Variants in BRD2 observed in about 807,000 individuals in gnomAD.
The protein encoded by BRD2 is bromodomain containing 2, also known as bromodomain-containing protein 2.
A neutral mutation model predicts 79.1 loss-of-function variants in BRD2; 15 were observed. The ratio of observed to expected loss-of-function variants is 0.19; its 90% CI spans 0.13 to 0.29. BRD2 has a LOEUF of 0.29. BRD2 is among the 10% of genes least tolerant of loss of function. BRD2 has a pLI of 1.00. For synonymous variants in BRD2, 488 were observed against 358.6 expected (o/e 1.36, Z -4.08); for missense variants, 1,053 against 991.3 (o/e 1.06, Z -0.84).
chr6:32,975,090 C>T lies in BRD2; in HGVS notation c.334-294C>T, dbSNP rs762626412. 9.3e-6 allele frequency: 14 copies of T among 1,512,228 alleles called. No individual in the cohort carries two copies. In the South Asian group the frequency reaches 1.7e-4, roughly 18 times the overall value. 93.7% of individuals were successfully genotyped at this position (1,512,228 alleles called of 1,614,324 possible). The stretch of plus-strand genomic sequence containing the variant: ...TAGCTTCTTCCTTTCCCTCATGCAG[C>T]CCATGGATAGCCAGCCCCAGAGGTA... On this transcript the variant is annotated intron_variant, in intron 3 of 12. Coordinates refer to ENST00000374825, the MANE Select transcript of BRD2 (RefSeq NM_005104.4).
chr6:32,975,619 C>T (rs1461811374), intron 4 of BRD2, 98 bp downstream of exon 4: 2 of 1,468,468 alleles, frequency 1.4e-6, no homozygotes, highest in East Asian at 2.3e-5. Context: ...TCCTTTGCTA[C>T]TGAAGGTGTT....
At chr6:32,969,326 C>T (rs1230846021) in intron 1 of BRD2, 2 of 716,704 alleles carry the variant, frequency 2.8e-6, no homozygotes, top group East Asian at 2.7e-5. Context: ...CCATTCGTCC[C>T]CTGGGGGTAC....
intron 7 of BRD2, chr6:32,977,155 CTATAAT>C (rs1778871842): frequency 1.5e-6 from 2 of 1,326,272 alleles, no homozygotes; most frequent in South Asian, 1.3e-5. Context: ...AAAATACTGT[CTATAAT>C]TAAGTACTAA....
chr6:32,980,298 G>C lies in BRD2; in HGVS notation c.2147-44G>C, dbSNP rs1052258631. The C allele has an allele frequency of 3.1e-6, 5 of 1,608,240 alleles. No individual in the cohort carries two copies. The African/African-American group carries it at 4.0e-5, about 13-fold the overall frequency. On this transcript the variant is annotated intron_variant, in intron 11 of 12. Transcript: ENST00000374825. ...GAACCTTAGGGGCCCATAATAAGATGCTTGGGGCAATCTTAATGTATCCTG... is the reference window on the plus strand; with the variant it reads ...GAACCTTAGGGGCCCATAATAAGATCCTTGGGGCAATCTTAATGTATCCTG...
chr6:32,976,540 C>A (rs753078710), intron 6 of BRD2, 22 bp from the exon 7 acceptor site: 1 of 1,591,706 alleles, frequency 6.3e-7, no homozygotes, highest in South Asian at 1.1e-5. Context: ...TGACAGGTTC[C>A]CTATCTTGTT....
Position 32,977,860 on chromosome 6 carries a change from C to G in BRD2, c.1433C>G (p.Ser478Ter). The change falls in exon 9 of 13, where the codon TCA (serine) becomes TGA (stop). Residue 478 changes from serine to a stop codon, truncating the protein, a stop_gained. Transcript: ENST00000374825. LOFTEE classifies it high-confidence loss of function. ...AMPPGLAKSSSESSSEESSSE... is the reference protein window; with the variant it reads ...AMPPGLAKSS ...CCCCCTGGCTTGGCCAAATCGTCTT[C>G]AGAGTCCTCCAGTGAGGAAAGTAGC... 1 of 1,613,130 alleles carries G rather than the reference C, an allele frequency of 6.2e-7. No individual in the cohort carries two copies. Among genetic ancestry groups the G allele is most frequent in the Non-Finnish European group, 8.5e-7 (1 of 1,180,042 alleles).
rs551923971 is a variant in BRD2, at chr6:32,976,296, T to C, written c.657T>C (p.Ser219=). 1.9e-6 allele frequency: 3 copies of C among 1,613,066 alleles called. No homozygotes were observed. Among genetic ancestry groups the C allele is most frequent in the Non-Finnish European group, 2.5e-6 (3 of 1,180,030 alleles). ...GTGCCCATCAGGTGCCTGCCGTCTC[T>C]TCTGTGTCACACACAGCCCTGTATA... is the stretch of plus-strand genomic sequence containing the variant. ...VTSAHQVPAV[S]SVSHTALYTP... is the part of the protein sequence containing the mutation. The change falls in exon 6 of 13, where the codon TCT becomes TCC. Residue 219 remains serine (S), a synonymous_variant. Coordinates refer to ENST00000374825, the MANE Select transcript of BRD2 (RefSeq NM_005104.4).
chr6:32,975,644 G>T, intron 4 of BRD2, 123 bp downstream of exon 4: 1 of 1,276,420 alleles, frequency 7.8e-7, no homozygotes, highest in Non-Finnish European at 1.1e-6. Context: ...AGGTAGGGTA[G>T]TCGGAGTCTT....
chr6:32,977,764 T>G lies in BRD2; in HGVS notation c.1337T>G (p.Phe446Cys). The change falls in exon 9 of 13, where the codon TTT (phenylalanine) becomes TGT (cysteine). Residue 446 changes from phenylalanine (F) to cysteine (C), a missense_variant. Physicochemically the swap from Phe to Cys is radical, Grantham distance 205. Coordinates refer to ENST00000374825, the MANE Select transcript of BRD2 (RefSeq NM_005104.4). ...GTTTGTGCCTCTTTGTAGGATGTATTTGAGTTCCGTTATGCCAAGATGCCA... is the reference window on the plus strand; with the variant it reads ...GTTTGTGCCTCTTTGTAGGATGTATGTGAGTTCCGTTATGCCAAGATGCCA... ...VAMARKLQDVFEFRYAKMPDE... is the reference protein window; with the variant it reads ...VAMARKLQDVCEFRYAKMPDE... The G allele has an allele frequency of 6.2e-7, 1 of 1,613,080 alleles. No homozygotes were observed. Among genetic ancestry groups the G allele is most frequent in the Non-Finnish European group, 8.5e-7 (1 of 1,180,024 alleles).
chr6:32,975,277 A>T, intron 3 of BRD2, 107 bp from the exon 4 acceptor site: 2 of 1,066,132 alleles, frequency 1.9e-6, no homozygotes, highest in Non-Finnish European at 1.3e-6. Flanking sequence ...CCTTTGATGC[A>T]TAGGGGGGGT....
Position 32,972,734 on chromosome 6 carries a change from A to T in BRD2, c.-165A>T. The T allele has an allele frequency of 9.5e-7, 1 of 1,056,644 alleles. No individual in the cohort carries two copies. The allele number at this position is 1,056,644 out of a possible 1,614,324, so 65.5% of individuals were successfully genotyped here. On this transcript the variant is annotated 5_prime_UTR_variant, in exon 2 of 13. Transcript: ENST00000374825. ...GCCCGGAGCTCTCCGAGAGGCCCCA[A>T]AGAGACTGCTTTCGTGCCGGCCAGG...
In BRD2 at chr6:32,979,811, A is replaced by C. The variant is rs1561960337; in HGVS notation, c.1842-17A>C. 4.4e-6 allele frequency: 7 copies of C among 1,601,816 alleles called. No homozygotes were observed. The highest frequency in any genetic ancestry group is 1.3e-5 in the African/African-American group (1 of 74,130). ...GTTAATGAAGCTTCTTTTGCTGACA[A>C]CTCTTTTTGCCCTTAGGCTCCCCAA... On this transcript the variant is annotated splice_polypyrimidine_tract_variant and intron_variant, in intron 10 of 12. Transcript: ENST00000374825.
intron 10 of BRD2, chr6:32,979,511 T>C: frequency 2.7e-6 from 1 of 364,506 alleles, no homozygotes; most frequent in South Asian, 6.5e-5. Flanking sequence ...AGTTGAAGAT[T>C]TGTGACAACC....
At chr6:32,969,124 G>A (rs1462207069) in intron 1 of BRD2, 68 bp downstream of exon 1, 2 of 540,920 alleles carry the variant, frequency 3.7e-6, no homozygotes, top group Non-Finnish European at 6.7e-6. Flanking sequence ...GAGTCCGGGA[G>A]GGGGATTCTT....
chr6:32,978,047 C>T (rs1245359045), intron 9 of BRD2, 42 bp downstream of exon 9: 1 of 1,601,584 alleles, frequency 6.2e-7, no homozygotes, highest in Non-Finnish European at 8.5e-7. Context: ...GTAAGAGGTT[C>T]ATGCCCTTTG....
rs765069285 is a variant in BRD2 at position 32,980,466 on chromosome 6, T to C, written c.2269+2T>C. ...CTACTAAAAAGCCCCCCAAGAAAGG[T>C]GAGTATATACTTTCATGCCACTACA... On this transcript the variant is annotated splice_donor_variant, in intron 12 of 12. Transcript: ENST00000374825. LOFTEE classifies it high-confidence loss of function. 2.0e-5 allele frequency: 33 copies of C among 1,612,238 alleles called. No homozygotes were observed. Among genetic ancestry groups the C allele is most frequent in the Non-Finnish European group, 2.8e-5 (33 of 1,179,764 alleles).
Position 32,981,061 on chromosome 6 carries a change from G to C in BRD2, c.*343G>C, listed in dbSNP as rs983631773. 8.5e-6 allele frequency: 2 copies of C among 235,150 alleles called. No individual in the cohort carries two copies. The highest frequency in any genetic ancestry group is 1.7e-5 in the Non-Finnish European group (2 of 118,614). 14.6% of individuals were successfully genotyped at this position (235,150 alleles called of 1,614,324 possible). On this transcript the variant is annotated 3_prime_UTR_variant, in exon 13 of 13. Transcript: ENST00000374825. ...TATTCACTTCTAAGGGCCCTGTTTTGAGATTGTTTGTTCTAATTTATTTTA... is the reference window on the plus strand; with the variant it reads ...TATTCACTTCTAAGGGCCCTGTTTTCAGATTGTTTGTTCTAATTTATTTTA...
intron 2 of BRD2, chr6:32,973,234 C>G (rs749406326): frequency 1.5e-6 from 2 of 1,350,196 alleles, no homozygotes. Flanking sequence ...GCAGGTTTGG[C>G]GTTTGGTGGG....
Position 32,976,913 on chromosome 6 carries a change from C to G in BRD2, c.1177C>G (p.Pro393Ala), listed in dbSNP as rs1209402947. The G allele has an allele frequency of 1.9e-6, 3 of 1,611,962 alleles. No individual in the cohort carries two copies. Among genetic ancestry groups the G allele is most frequent in the African/African-American group, 2.7e-5 (2 of 74,920 alleles). The change falls in exon 7 of 13, where the codon CCC becomes GCC. Residue 393 changes from proline (P) to alanine (A), a missense_variant. By Grantham distance (27) the Pro-to-Ala change is conservative (BLOSUM62 -1). Coordinates refer to ENST00000374825, the MANE Select transcript of BRD2 (RefSeq NM_005104.4). Reference protein sequence around the residue: ...LHDYHDIIKHPMDLSTVKRKM... With the variant: ...LHDYHDIIKHAMDLSTVKRKM... The stretch of plus-strand genomic sequence containing the variant: ...TGACTACCATGACATCATTAAGCAC[C>G]CCATGGACCTCAGCACTGTCAAGGT...
Sources: gnomAD v4.1 joint callset for allele counts on GRCh38, gnomAD v4.1.1 for gene constraint, MANE v1.5 for transcripts, NCBI Gene and HGNC (gene_info 2026-07-23, HGNC 2026-07-21) for gene names.